The following ADAMTSL2 variants were observed in gnomAD, a reference collection of about 807,000 sequenced individuals.
The protein encoded by ADAMTSL2 is ADAMTS like 2.
Under a neutral mutation model 117.0 loss-of-function variants are expected in ADAMTSL2, and 55 were observed. The observed-to-expected ratio is 0.47, with a 90% CI of 0.38 to 0.59. The LOEUF is 0.59. ADAMTSL2 is among the 20% of genes least tolerant of loss of function. ADAMTSL2 has a pLI of 0.00. For missense variants in ADAMTSL2, 1,182 were observed against 1,354.5 expected, an observed-to-expected ratio of 0.87 and a Z score of 2.00; for synonymous variants, 572 against 566.4, an observed-to-expected ratio of 1.01 and a Z score of -0.14.
Position 133,534,789 on chromosome 9 carries a change from G to A in ADAMTSL2, c.-279G>A, listed in dbSNP as rs747286537. On this transcript the variant is annotated 5_prime_UTR_variant, in exon 1 of 19. Coordinates refer to ENST00000651351, the MANE Select transcript of ADAMTSL2 (RefSeq NM_014694.4). ...AGGCGGCGCGGGGGAGGAGGGGAAG[G>A]GGAGAGGGAGGCCGGGCCGCAGCCT... is the stretch of plus-strand genomic sequence containing the variant. 3 of 1,482,390 alleles carry A rather than the reference G, an allele frequency of 2.0e-6. No individual in the cohort carries two copies. The South Asian group carries it at 3.9e-5, about 19-fold the overall frequency. 91.8% of individuals were successfully genotyped at this position (1,482,390 alleles called of 1,614,324 possible).
At chr9:133,548,615 G>C (rs1250776295) in intron 9 of ADAMTSL2, among the ~76,000 whole-genome samples, 1 of 152,126 alleles carries the variant, frequency 6.6e-6, no homozygotes, top group Non-Finnish European at 1.5e-5. Context: ...CAGTTTCAAC[G>C]GGCTTCGGCC....
rs367599466 is a variant in ADAMTSL2, at chr9:133,537,503, C to T, written c.189C>T (p.Cys63=). The T allele has an allele frequency of 8.2e-6, 11 of 1,349,492 alleles. No individual in the cohort carries two copies. Among genetic ancestry groups the T allele is most frequent in the African/African-American group, 6.0e-5 (4 of 66,668 alleles). The allele number at this position is 1,349,492 out of a possible 1,614,324, so 83.6% of individuals were successfully genotyped here. Residue 63 remains cysteine (C), a synonymous_variant, in exon 3 of 19, where the codon TGC becomes TGT. Transcript: ENST00000651351. ...AGTGGACGGCGTGTTCCCGCAGTTG[C>T]GGGGGTGGGGTGACATCCCAGGAGC... is the stretch of plus-strand genomic sequence containing the variant. The part of the protein sequence containing the change: ...WTKWTACSRS[C]GGGVTSQERH...
intron 13 of ADAMTSL2, among the ~76,000 whole-genome samples, chr9:133,567,741 C>T (rs1424805378): frequency 6.6e-6 from 1 of 152,250 alleles, no homozygotes; most frequent in Non-Finnish European, 1.5e-5. Flanking sequence ...GCTGCTAAGG[C>T]TGGCCCGGGG....
intron 3 of ADAMTSL2, 73 bp from the exon 4 acceptor site, chr9:133,538,276 C>T (rs1035668286): frequency 1.8e-5 from 29 of 1,576,840 alleles, no homozygotes; most frequent in African/African-American, 6.8e-5. Flanking sequence ...TCCCAGTGGC[C>T]GTGGGGCCAG....
chr9:133,570,196 C>A (rs1588310856), intron 16 of ADAMTSL2, 135 bp from the exon 17 acceptor site: 11 of 970,962 alleles, frequency 1.1e-5, no homozygotes, highest in Non-Finnish European at 1.5e-5. Context: ...GAGTTTCCAG[C>A]CAGTTTGTTA....
rs938505349 is a variant in ADAMTSL2, at chr9:133,534,705, C to G, written c.-363C>G. 1.6e-5 allele frequency: 22 copies of G among 1,366,420 alleles called. No individual in the cohort carries two copies. The highest frequency in any genetic ancestry group is 2.1e-5 in the Non-Finnish European group (22 of 1,053,656). 84.6% of individuals were successfully genotyped at this position (1,366,420 alleles called of 1,614,324 possible). The stretch of plus-strand genomic sequence containing the variant: ...GGCGGCCGCCGGCGCAGAGCCGCCA[C>G]TGGGCTGCGCCCCTCCCGGGAACCC... On this transcript the variant is annotated 5_prime_UTR_variant, in exon 1 of 19. Transcript: ENST00000651351.
chr9:133,561,765 C>T (rs1830734416), intron 12 of ADAMTSL2, among the ~76,000 whole-genome samples: 2 of 152,166 alleles, frequency 1.3e-5, no homozygotes, highest in Non-Finnish European at 2.9e-5. Context: ...AAAAAAGACC[C>T]TCCTCGGTGG....
At chr9:133,553,617 C>G (rs62574210) in intron 9 of ADAMTSL2, among the ~76,000 whole-genome samples, 17,648 of 152,262 alleles carry the variant, frequency 0.12, 1,205 homozygotes, top group African/African-American at 0.2. Flanking sequence ...CCGGGGGTCT[C>G]TGTGCTCCAG....
Position 133,555,942 on chromosome 9 carries a change from T to C in ADAMTSL2, c.1649+12T>C, listed in dbSNP as rs1830596271. The C allele has an allele frequency of 2.5e-6, 4 of 1,608,886 alleles. No homozygotes were observed. The Admixed American group carries it at 6.7e-5, about 27-fold the overall frequency. On this transcript the variant is annotated intron_variant, in intron 11 of 18. Coordinates refer to ENST00000651351, the MANE Select transcript of ADAMTSL2 (RefSeq NM_014694.4). Reference sequence around the variant, plus strand: ...ACTCACAAGGCCAGGTAGGAGGCACTTTCCTGAGCCCTGTCCAGGGCCCTC... The same window carrying C: ...ACTCACAAGGCCAGGTAGGAGGCACCTTCCTGAGCCCTGTCCAGGGCCCTC...
At chr9:133,533,005 C>T (rs1051121784), upstream of ADAMTSL2, among the ~76,000 whole-genome samples, 13 of 152,250 alleles carry the variant, frequency 8.5e-5, no homozygotes, top group East Asian at 1.5e-3. Flanking sequence ...GTCACCCTGG[C>T]GCTGGCTGGA....
At chr9:133,571,294 A>T (rs1158135128) in intron 17 of ADAMTSL2, among the ~76,000 whole-genome samples, 2 of 152,094 alleles carry the variant, frequency 1.3e-5, no homozygotes, top group African/African-American at 4.8e-5. Context: ...TGTAGCAGAC[A>T]TTGGAGGCCA....
Position 133,534,825 on chromosome 9 carries a change from G to A in ADAMTSL2, c.-243G>A. ...GCCGGGCCGCAGCCTCTGCACTCAC[G>A]CCGCCCCCGCACGCACAGCGCACCT... On this transcript the variant is annotated 5_prime_UTR_variant, in exon 1 of 19. Transcript: ENST00000651351. 2.7e-6 allele frequency: 4 copies of A among 1,495,436 alleles called. No individual in the cohort carries two copies. The highest frequency in any genetic ancestry group is 2.7e-6 in the Non-Finnish European group (3 of 1,118,432). The allele number at this position is 1,495,436 out of a possible 1,614,324, so 92.6% of individuals were successfully genotyped here. A position where few individuals can be genotyped will look rare whatever the true frequency, so the allele number is the denominator to read the frequency against.
chr9:133,573,751 G>T (rs1831163924), intron 17 of ADAMTSL2, 92 bp from the exon 18 acceptor site: 14 of 1,535,030 alleles, frequency 9.1e-6, no homozygotes, highest in Admixed American at 3.4e-5. Flanking sequence ...GGGTGGGGTG[G>T]GGAAGGGGGA....
At chr9:133,563,918 GGAGA>G (rs1420766564) in intron 12 of ADAMTSL2, among the ~76,000 whole-genome samples, 1 of 1,496 alleles carries the variant, frequency 6.7e-4, no homozygotes, top group Non-Finnish European at 1.5e-3. Flanking sequence ...AGAGAGAGAG[GGAGA>G]GAGAGAGAGA....
At position 133,568,649 on chromosome 9, in the gene ADAMTSL2, G is replaced by A. The variant is rs903323704; in HGVS notation, c.2135G>A (p.Arg712His). 132 of 1,613,104 alleles carry A rather than the reference G, an allele frequency of 8.2e-5. No homozygotes were observed. The highest frequency in any genetic ancestry group is 1.0e-4 in the Non-Finnish European group (120 of 1,179,954). Residue 712 changes from arginine (R) to histidine (H), a missense_variant, in exon 15 of 19, where the codon CGC (arginine) becomes CAC (histidine). Physicochemically the swap from Arg to His is conservative, Grantham distance 29 (BLOSUM62 0). Coordinates refer to ENST00000651351, the MANE Select transcript of ADAMTSL2 (RefSeq NM_014694.4). The stretch of plus-strand genomic sequence containing the variant: ...CGCAGTGTGGTGACCAGGGACATCC[G>A]CTGCTCGGAGGATGAGAAGCTGTGT... Reference protein sequence around the residue: ...GERSVVTRDIRCSEDEKLCDP... With the variant: ...GERSVVTRDIHCSEDEKLCDP...
intron 17 of ADAMTSL2, 91 bp downstream of exon 17, chr9:133,570,598 C>T: frequency 3.7e-6 from 5 of 1,363,358 alleles, no homozygotes; most frequent in Non-Finnish European, 5.1e-6. Context: ...TTAAGTGCTT[C>T]CTGCTCCTCC....
Position 133,544,557 on chromosome 9 carries a change from A to G in ADAMTSL2, c.763+7A>G, listed in dbSNP as rs776668079. The G allele has an allele frequency of 4.5e-5, 72 of 1,612,932 alleles. No homozygotes were observed. Among genetic ancestry groups the G allele is most frequent in the Non-Finnish European group, 5.5e-5 (65 of 1,178,996 alleles). On this transcript the variant is annotated splice_region_variant and intron_variant, in intron 8 of 18. Coordinates refer to ENST00000651351, the MANE Select transcript of ADAMTSL2 (RefSeq NM_014694.4). ...AAGTCCGCTGACGTGCTAGGTGGGT[A>G]CGCAGTGTCTGGCAGCTGCCTCACT...
intron 12 of ADAMTSL2, among the ~76,000 whole-genome samples, chr9:133,563,514 AG>A (rs1830797297): frequency 6.6e-6 from 1 of 152,066 alleles, no homozygotes; most frequent in Non-Finnish European, 1.5e-5. Flanking sequence ...CTGGCTGGAG[AG>A]GGGACGTCGC....
At chr9:133,556,901 G>A (rs1219760201) in intron 11 of ADAMTSL2, among the ~76,000 whole-genome samples, 1 of 152,206 alleles carries the variant, frequency 6.6e-6, no homozygotes, top group Non-Finnish European at 1.5e-5. Context: ...CACCCTTGCA[G>A]GTCCCCACAG....
Sources: gnomAD v4.1 joint callset for allele counts (sites outside exome capture counted in the v4.1 genomes callset) on GRCh38, gnomAD v4.1.1 for gene constraint, MANE v1.5 for transcripts, NCBI Gene and HGNC (gene_info 2026-07-23, HGNC 2026-07-21) for gene names.